ROBO1: variants seen among roughly 807,000 people sequenced by gnomAD.
ROBO1 encodes the protein roundabout homolog 1.
In ROBO1, 149 loss-of-function variants were observed where a neutral mutation model predicts 195.9. That is an observed-to-expected ratio of 0.76 (90% CI 0.67 to 0.87). The LOEUF (loss-of-function observed/expected upper bound fraction) is 0.87. ROBO1 is among the 40% of genes least tolerant of loss of function. The pLI, the probability that ROBO1 is intolerant of heterozygous loss-of-function variation, is 0.00. For synonymous variants in ROBO1, 816 were observed against 733.2 expected (o/e 1.11, Z -1.82); for missense variants, 1,933 against 2,068.3 (o/e 0.93, Z 1.27).
chr3:79,720,792 A>ATTTTTTT (rs36105372), intron 1 of ROBO1, among the ~76,000 whole-genome samples: 11 of 142,974 alleles, frequency 7.7e-5, no homozygotes, highest in South Asian at 2.2e-4. Flanking sequence ...GGAGTTGCTA[A>ATTTTTTT]TTTTTTTTTT....
chr3:79,700,000 T>C (rs1052997990), intron 1 of ROBO1, among the ~76,000 whole-genome samples: 1 of 151,648 alleles, frequency 6.6e-6, no homozygotes, highest in South Asian at 2.1e-4. Context: ...CTTCTCTCTC[T>C]AATACTTCCC....
At chr3:79,326,942 GT>G (rs2034237854) in intron 2 of ROBO1, among the ~76,000 whole-genome samples, 1 of 152,068 alleles carries the variant, frequency 6.6e-6, no homozygotes, top group South Asian at 2.1e-4. Flanking sequence ...TTCAAGCTCT[GT>G]AATTTACTAT....
At chr3:78,847,469 T>A (rs1320554785) in intron 4 of ROBO1, among the ~76,000 whole-genome samples, 1 of 152,204 alleles carries the variant, frequency 6.6e-6, no homozygotes, top group East Asian at 1.9e-4. Flanking sequence ...AATAGTTGTC[T>A]AAGGAAGGCA....
At chr3:79,425,797 A>G (rs2038422368) in intron 2 of ROBO1, among the ~76,000 whole-genome samples, 1 of 152,038 alleles carries the variant, frequency 6.6e-6, no homozygotes, top group East Asian at 1.9e-4. Flanking sequence ...AAACCGAGTG[A>G]CCATTTCCCT....
chr3:78,857,281 T>G (rs577287336), intron 4 of ROBO1, among the ~76,000 whole-genome samples: 1 of 152,302 alleles, frequency 6.6e-6, no homozygotes, highest in Admixed American at 6.5e-5. Context: ...CTATTAGACA[T>G]GGGTACACAT....
intron 2 of ROBO1, among the ~76,000 whole-genome samples, chr3:79,229,895 TTGAGAGTTTTC>T (rs2082291339): frequency 6.6e-6 from 1 of 152,158 alleles, no homozygotes; most frequent in South Asian, 2.1e-4. Context: ...TCACTAATAA[TTGAGAGTTTTC>T]TTGATTTCAA....
At chr3:78,716,794 T>C (rs1432445675) in intron 7 of ROBO1, among the ~76,000 whole-genome samples, 1 of 152,158 alleles carries the variant, frequency 6.6e-6, no homozygotes, top group African/African-American at 2.4e-5. Flanking sequence ...TAAGGCTCCC[T>C]GATTCGTGCA....
At chr3:79,125,797 T>A in intron 2 of ROBO1, among the ~76,000 whole-genome samples, 1 of 152,156 alleles carries the variant, frequency 6.6e-6, no homozygotes, top group East Asian at 1.9e-4. Context: ...TTTGCTACAC[T>A]TCAAAGCTGG....
chr3:78,836,339 C>T (rs987609453), intron 4 of ROBO1, among the ~76,000 whole-genome samples: 4 of 151,718 alleles, frequency 2.6e-5, no homozygotes, highest in East Asian at 1.9e-4. Flanking sequence ...GGTGAAACCC[C>T]GTCTCCACTA....
At chr3:79,348,210 CAA>C (rs71127380) in intron 2 of ROBO1, among the ~76,000 whole-genome samples, 884 of 72,934 alleles carry the variant, frequency 0.012, 3 homozygotes, top group South Asian at 0.037. Flanking sequence ...GACTCCATCT[CAA>C]AAAAAAAAAA....
intron 2 of ROBO1, among the ~76,000 whole-genome samples, chr3:79,140,065 G>C (rs2080492629): frequency 6.6e-6 from 1 of 152,108 alleles, no homozygotes; most frequent in African/African-American, 2.4e-5. Context: ...CCCTTTTGTA[G>C]ATGTAGCTAC....
At chr3:79,244,658 G>T (rs1039231448) in intron 2 of ROBO1, among the ~76,000 whole-genome samples, 4 of 152,006 alleles carry the variant, frequency 2.6e-5, no homozygotes, top group Admixed American at 1.3e-4. Flanking sequence ...AGACAGGCAT[G>T]TTTAGATCAA....
At chr3:79,560,538 TA>T (rs1347167650) in intron 2 of ROBO1, among the ~76,000 whole-genome samples, 1 of 97,988 alleles carries the variant, frequency 1.0e-5, no homozygotes, top group Non-Finnish European at 2.2e-5. Flanking sequence ...ATAATAATTA[TA>T]TATATATATA....
At chr3:79,060,457 A>G (rs1174355734) in intron 3 of ROBO1, among the ~76,000 whole-genome samples, 1 of 151,976 alleles carries the variant, frequency 6.6e-6, no homozygotes, top group African/African-American at 2.4e-5. Context: ...GGAACCTGCC[A>G]ACATGTGATG....
intron 4 of ROBO1, among the ~76,000 whole-genome samples, chr3:78,888,980 T>C (rs1478317703): frequency 1.3e-5 from 2 of 152,178 alleles, no homozygotes; most frequent in Non-Finnish European, 2.9e-5. Context: ...AAAAGTACAA[T>C]ACTACAGTTC....
At chr3:79,477,676 T>A (rs1184286993) in intron 2 of ROBO1, among the ~76,000 whole-genome samples, 3 of 152,208 alleles carry the variant, frequency 2.0e-5, no homozygotes, top group African/African-American at 7.2e-5. Context: ...TTGGGCATAA[T>A]TTTTCATTTT....
rs917246136 is a variant in ROBO1 at position 78,771,923 on chromosome 3, T to A, written c.500-25023A>T. Among the ~76,000 whole-genome samples the A allele has an allele frequency of 2.6e-5, 4 of 152,240 alleles. No homozygotes were observed. The South Asian group carries it at 6.2e-4, about 24-fold the overall frequency. On this transcript the variant is annotated intron_variant, in intron 4 of 30. Coordinates refer to ENST00000464233, the MANE Select transcript of ROBO1 (RefSeq NM_002941.4). ...ATCCTTTTAAATTTCAATAGCCATA[T>A]TACTCATTCTAAAGTGAGAATTTCA...
At chr3:79,457,371 G>A (rs2039649924) in intron 2 of ROBO1, among the ~76,000 whole-genome samples, 1 of 151,894 alleles carries the variant, frequency 6.6e-6, no homozygotes, top group Admixed American at 6.6e-5. Context: ...AAGATAAGAT[G>A]AATGAAACAC....
intron 1 of ROBO1, among the ~76,000 whole-genome samples, chr3:79,700,311 G>GTT (rs1560111930): frequency 3.3e-5 from 3 of 90,162 alleles, no homozygotes; most frequent in East Asian, 6.6e-4. Flanking sequence ...GTTTGTGTGT[G>GTT]TGTGTTTGTG....
Sources: allele counts gnomAD v4.1 joint callset (sites outside exome capture counted in the v4.1 genomes callset), GRCh38; gene constraint gnomAD v4.1.1; transcripts MANE v1.5; gene names NCBI Gene and HGNC (gene_info 2026-07-23, HGNC 2026-07-21).